ZCCHC9: variants seen among roughly 807,000 people sequenced by gnomAD.
The protein encoded by ZCCHC9 is zinc finger CCHC domain-containing protein 9.
In ZCCHC9, 18 loss-of-function variants were observed where a neutral mutation model predicts 30.8. The ratio of observed to expected loss-of-function variants is 0.58; its 90% CI spans 0.40 to 0.87. ZCCHC9 has a LOEUF of 0.87. Among genes scored for constraint, ZCCHC9 ranks in the 40% least tolerant of loss-of-function variants. The pLI is 0.00. For missense variants in ZCCHC9, 279 were observed against 331.2 expected (o/e 0.84, Z 1.22); for synonymous variants, 94 against 106.7 (o/e 0.88, Z 0.73).
intron 2 of ZCCHC9, 80 bp downstream of exon 2, chr5:81,305,221 G>C: frequency 6.7e-7 from 1 of 1,495,496 alleles, no homozygotes; most frequent in African/African-American, 1.4e-5. Flanking sequence ...ATATACCTTA[G>C]CCAGCTCTGG....
At position 81,308,609 on chromosome 5, in the gene ZCCHC9, G is replaced by T. The variant is rs368749277; in HGVS notation, c.433G>T (p.Ala145Ser). 1.2e-6 allele frequency: 2 copies of T among 1,613,480 alleles called. No individual in the cohort carries two copies. The highest frequency in any genetic ancestry group is 1.7e-6 in the Non-Finnish European group (2 of 1,179,774). Residue 145 changes from alanine to serine, a missense_variant, in exon 3 of 6, where the codon GCC becomes TCC. Coordinates refer to ENST00000407610, the MANE Select transcript of ZCCHC9 (RefSeq NM_001131035.2). ...KPGHGIADCP[A>S]ALENQDMGTG... is the part of the protein sequence containing the mutation. ...TGGTCATGGAATTGCAGATTGCCCC[G>T]CCGCCCTTGAAAATCAAGACATGGG...
intron 1 of ZCCHC9, chr5:81,303,951 T>A (rs564875206): frequency 3.9e-5 from 6 of 152,338 alleles, no homozygotes; most frequent in Non-Finnish European, 5.9e-5. Context: ...CTTTTTTCCA[T>A]TTTATGTTGG....
rs1259627205 is a variant in ZCCHC9 at position 81,313,185 on chromosome 5, G to T, written c.*523G>T. On this transcript the variant is annotated 3_prime_UTR_variant, in exon 6 of 6. Transcript: ENST00000407610. Reference sequence around the variant, plus strand: ...TAATTTTTCTGAATACTTGATTCTCGATTGAAATATCCATTGTTCGTTAAT... The same window carrying T: ...TAATTTTTCTGAATACTTGATTCTCTATTGAAATATCCATTGTTCGTTAAT... 1 of 152,046 alleles carries T rather than the reference G, an allele frequency of 6.6e-6. No individual in the cohort carries two copies. Among genetic ancestry groups the T allele is most frequent in the Non-Finnish European group, 1.5e-5 (1 of 68,042 alleles). 9.4% of individuals were successfully genotyped at this position (152,046 alleles called of 1,614,324 possible). A position where few individuals can be genotyped will look rare whatever the true frequency, so the allele number is the denominator to read the frequency against.
Position 81,311,272 on chromosome 5 carries a change from G to C in ZCCHC9, c.690G>C (p.Gln230His), listed in dbSNP as rs750717264. The C allele has an allele frequency of 6.2e-7, 1 of 1,614,046 alleles. No homozygotes were observed. Among genetic ancestry groups the C allele is most frequent in the African/African-American group, 1.3e-5 (1 of 75,040 alleles). Residue 230 changes from glutamine (Q) to histidine (H), a missense_variant, in exon 5 of 6, where the codon CAG becomes CAC. Coordinates refer to ENST00000407610, the MANE Select transcript of ZCCHC9 (RefSeq NM_001131035.2). ...TAAAGAAAGATTGCCCTGAAAGTCA[G>C]AATTCAGGTGAGATCTCTGGGCCTC... is the stretch of plus-strand genomic sequence containing the variant. ...EHLKKDCPESQNSERMVTVGR... is the reference protein window; with the variant it reads ...EHLKKDCPESHNSERMVTVGR...
chr5:81,312,711 C>T lies in ZCCHC9; in HGVS notation c.*49C>T. 1 of 1,381,290 alleles carries T rather than the reference C, an allele frequency of 7.2e-7. No individual in the cohort carries two copies. 85.6% of individuals were successfully genotyped at this position (1,381,290 alleles called of 1,614,324 possible). ...TACTACCTCATTGTTACTTTCTAAA[C>T]CAGGCCCGCTTCACGAGTTAGAGTT... On this transcript the variant is annotated 3_prime_UTR_variant, in exon 6 of 6. Transcript: ENST00000407610.
At chr5:81,307,988 C>G (rs1758130842) in intron 2 of ZCCHC9, among the ~76,000 whole-genome samples, 1 of 112,182 alleles carries the variant, frequency 8.9e-6, no homozygotes. Flanking sequence ...GAGTAAGACT[C>G]CGTCTCAAAA....
intron 2 of ZCCHC9, 61 bp downstream of exon 2, chr5:81,305,202 C>T (rs1758055382): frequency 2.0e-6 from 3 of 1,530,290 alleles, no homozygotes; most frequent in Non-Finnish European, 2.6e-6. Flanking sequence ...TTCTTATATT[C>T]ACACACATAT....
Position 81,304,802 on chromosome 5 carries a change from C to T in ZCCHC9, c.45C>T (p.Pro15=). The T allele has an allele frequency of 8.1e-6, 13 of 1,611,758 alleles. No homozygotes were observed. The highest frequency in any genetic ancestry group is 9.3e-6 in the Non-Finnish European group (11 of 1,179,422). ...ARVSTTYNKR[P]LPATSWEDMK... ...TTAGTACCACATATAACAAGAGACC[C>T]TTGCCTGCAACATCATGGGAGGACA... The change falls in exon 2 of 6, where the codon CCC becomes CCT. Residue 15 remains proline, a synonymous_variant. Transcript: ENST00000407610.
chr5:81,310,075 A>G (rs1017012518), intron 4 of ZCCHC9, among the ~76,000 whole-genome samples: 1 of 150,522 alleles, frequency 6.6e-6, no homozygotes, highest in Non-Finnish European at 1.5e-5. Flanking sequence ...GGTGCATTTC[A>G]GTTTTGAGCT....
rs1758327170 is a variant in ZCCHC9 at position 81,312,633 on chromosome 5, A to G, written c.787A>G (p.Thr263Ala). 6.2e-7 allele frequency: 1 copy of G among 1,613,680 alleles called. No homozygotes were observed. The highest frequency in any genetic ancestry group is 1.3e-5 in the African/African-American group (1 of 74,910). Residue 263 changes from threonine (T) to alanine (A), a missense_variant, in exon 6 of 6, where the codon ACA becomes GCA. Physicochemically the swap from Thr to Ala is moderately conservative, Grantham distance 58 (BLOSUM62 0). Transcript: ENST00000407610. Reference sequence around the variant, plus strand: ...TGTACCTAAACCGCAAAAACCCAAAACAAAAATACCTAAAGTTGTTAATTT... The same window carrying G: ...TGTACCTAAACCGCAAAAACCCAAAGCAAAAATACCTAAAGTTGTTAATTT... Reference protein sequence around the residue: ...LDVPKPQKPKTKIPKVVNF With the variant: ...LDVPKPQKPKAKIPKVVNF
At chr5:81,309,223 A>G (rs1227808286) in intron 4 of ZCCHC9, 185 bp downstream of exon 4, 1 of 459,330 alleles carries the variant, frequency 2.2e-6, no homozygotes, top group Non-Finnish European at 3.8e-6. Context: ...TCAGATGTTA[A>G]TAAAACAAAT....
chr5:81,312,054 C>T (rs1469375711), intron 5 of ZCCHC9, among the ~76,000 whole-genome samples: 1 of 152,112 alleles, frequency 6.6e-6, no homozygotes, highest in Non-Finnish European at 1.5e-5. Context: ...ACAAGCTTGT[C>T]TAGAAGATAG....
At chr5:81,308,437 AT>A in intron 2 of ZCCHC9, 123 bp from the exon 3 acceptor site, 3 of 1,248,208 alleles carry the variant, frequency 2.4e-6, no homozygotes. Flanking sequence ...TTCTACAAAT[AT>A]TGAGATTTCA....
Position 81,313,279 on chromosome 5 carries a change from G to GT in ZCCHC9, c.*622dup, listed in dbSNP as rs1458510443. The GT allele has an allele frequency of 1.3e-5, 2 of 152,092 alleles. No homozygotes were observed. Among genetic ancestry groups the GT allele is most frequent in the African/African-American group, 4.8e-5 (2 of 41,438 alleles). The allele number at this position is 152,092 out of a possible 1,614,324, so 9.4% of individuals were successfully genotyped here. The stretch of plus-strand genomic sequence containing the variant: ...CTAGATGAGAATAAACAGGGATTTG[G>GT]TTTTTGTTTTAGTTTTGACATAAAG... On this transcript the variant is annotated 3_prime_UTR_variant, in exon 6 of 6. Transcript: ENST00000407610.
rs1306095481 is a variant in ZCCHC9 at position 81,313,077 on chromosome 5, T to G, written c.*415T>G. 4.6e-5 allele frequency: 7 copies of G among 152,488 alleles called. No homozygotes were observed. The highest frequency in any genetic ancestry group is 1.7e-4 in the African/African-American group (7 of 41,432). 9.4% of individuals were successfully genotyped at this position (152,488 alleles called of 1,614,324 possible). ...ATCAATTTATTATTATAATAGAAATTTATAAGTTGCTAGAAAGTCTATATT... is the reference window on the plus strand; with the variant it reads ...ATCAATTTATTATTATAATAGAAATGTATAAGTTGCTAGAAAGTCTATATT... On this transcript the variant is annotated 3_prime_UTR_variant, in exon 6 of 6. Transcript: ENST00000407610.
At chr5:81,310,798 T>G (rs1758257816) in intron 4 of ZCCHC9, among the ~76,000 whole-genome samples, 1 of 152,230 alleles carries the variant, frequency 6.6e-6, no homozygotes, top group South Asian at 2.1e-4. Context: ...AATCTGTTTT[T>G]GGGCCATTGA....
intron 3 of ZCCHC9, 32 bp downstream of exon 3, chr5:81,308,743 C>G: frequency 1.9e-6 from 3 of 1,588,918 alleles, no homozygotes; most frequent in Non-Finnish European, 2.6e-6. Flanking sequence ...TTGTTTTGTT[C>G]ATGGGGAAAG....
At chr5:81,304,124 T>G (rs923436845) in intron 1 of ZCCHC9, 5 of 152,246 alleles carry the variant, frequency 3.3e-5, no homozygotes, top group African/African-American at 9.6e-5. Flanking sequence ...TAAATAGAAT[T>G]GAAGATGATG....
intron 2 of ZCCHC9, 93 bp from the exon 3 acceptor site, chr5:81,308,468 T>G: frequency 5.0e-5 from 69 of 1,373,486 alleles, no homozygotes; most frequent in Non-Finnish European, 6.1e-5. Context: ...CTTAATAAGA[T>G]GAGAAATGTT....
Sources: allele counts gnomAD v4.1 joint callset (sites outside exome capture counted in the v4.1 genomes callset), GRCh38; gene constraint gnomAD v4.1.1; transcripts MANE v1.5; gene names NCBI Gene and HGNC (gene_info 2026-07-23, HGNC 2026-07-21).